The following AMH variants were observed in gnomAD, a reference collection of about 807,000 sequenced individuals.
AMH encodes anti-Muellerian hormone.
Under a neutral mutation model 33.3 loss-of-function variants are expected in AMH, and 39 were observed. That is an observed-to-expected ratio of 1.17 (90% CI 0.91 to 1.53). AMH has a LOEUF of 1.53. AMH is among the 40% of genes most tolerant of loss of function. AMH has a pLI of 0.00. For synonymous variants in AMH, 536 were observed against 403.0 expected, an observed-to-expected ratio of 1.33 and a Z score of -3.95; for missense variants, 1,019 against 799.8, an observed-to-expected ratio of 1.27 and a Z score of -3.30.
Position 2,251,262 on chromosome 19 carries a change from C to T in AMH, c.988C>T (p.Leu330=), listed in dbSNP as rs1599138753. The change falls in exon 5 of 5, where the codon CTG becomes TTG. Residue 330 remains leucine (L), a synonymous_variant. Transcript: ENST00000221496. ...CGGCTTCCCGCAGGGCCTAGTCAAC[C>T]TGTCGGACCCCGCGGCGCTGGAGCG... ...LAGFPQGLVN[L]SDPAALERLL... is the part of the protein sequence containing the mutation. The T allele has an allele frequency of 3.3e-6, 5 of 1,505,252 alleles. No individual in the cohort carries two copies. In the East Asian group the frequency reaches 1.3e-4, roughly 40 times the overall value. 93.2% of individuals were successfully genotyped at this position (1,505,252 alleles called of 1,614,324 possible).
In AMH at chr19:2,250,316, C is replaced by A. The variant is rs750657208; in HGVS notation, c.413-21C>A. On this transcript the variant is annotated intron_variant, in intron 1 of 4. Transcript: ENST00000221496. ...GTGTGGCCTTCAATGGCTCAGGCGT[C>A]CCCTGCTGTCCCGGCTGCAGTGACC... The A allele has an allele frequency of 3.2e-6, 5 of 1,586,946 alleles. No homozygotes were observed. In the East Asian group the frequency reaches 9.1e-5, roughly 29 times the overall value.
chr19:2,251,380 C>T lies in AMH; in HGVS notation c.1106C>T (p.Ala369Val), dbSNP rs1243011939. ...GCGCCCCTGCACGACCCCACGTCGG[C>T]GCCGTGGGCCACGGCCCTGGCGCGC... Reference protein sequence around the residue: ...DPAPLHDPTSAPWATALARRV... With the variant: ...DPAPLHDPTSVPWATALARRV... Residue 369 changes from alanine (A) to valine (V), a missense_variant, in exon 5 of 5, where the codon GCG becomes GTG. Transcript: ENST00000221496. The T allele has an allele frequency of 1.4e-6, 2 of 1,469,554 alleles. No homozygotes were observed. The highest frequency in any genetic ancestry group is 1.3e-5 in the South Asian group (1 of 77,320). The allele number at this position is 1,469,554 out of a possible 1,614,324, so 91.0% of individuals were successfully genotyped here.
chr19:2,251,940 G>A lies in AMH; in HGVS notation c.1666G>A (p.Glu556Lys), dbSNP rs763578155. The A allele has an allele frequency of 4.2e-5, 65 of 1,549,436 alleles. No homozygotes were observed. Among genetic ancestry groups the A allele is most frequent in the Middle Eastern group, 2.3e-4 (1 of 4,422 alleles). ...AHHVPNMVAT[E>K]CGCR ...CCACGTGCCCAACATGGTGGCCACC[G>A]AGTGTGGCTGCCGGTGACCCCTGCG... Residue 556 changes from glutamate to lysine, a missense_variant, in exon 5 of 5, where the codon GAG becomes AAG. Transcript: ENST00000221496.
chr19:2,250,529 G>A lies in AMH; in HGVS notation c.555+50G>A, dbSNP rs8112524. 892,703 of 1,540,218 alleles carry A rather than the reference G, an allele frequency of 0.58. 263,320 individuals carry two copies. The highest frequency in any genetic ancestry group is 0.62 in the Middle Eastern group (2,768 of 4,432). On this transcript the variant is annotated intron_variant, in intron 2 of 4. Transcript: ENST00000221496. ...TGCCCGGGCCGTGGCGGGGGGCATGGATTTGTTGCAGGGTCTGCAGTACTG... is the reference window on the plus strand; with the variant it reads ...TGCCCGGGCCGTGGCGGGGGGCATGAATTTGTTGCAGGGTCTGCAGTACTG...
At chr19:2,250,134 G>A in intron 1 of AMH, 1 of 842,778 alleles carries the variant, frequency 1.2e-6, no homozygotes, top group Non-Finnish European at 1.9e-6. Context: ...CAGGGCGGCA[G>A]CCCCACCCAC....
At position 2,251,824 on chromosome 19, in the gene AMH, G is replaced by T; in HGVS notation, c.1550G>T (p.Gly517Val). Residue 517 changes from glycine (G) to valine (V), a missense_variant, in exon 5 of 5, where the codon GGG becomes GTG. Physicochemically the swap from Gly to Val is moderately radical, Grantham distance 109. Transcript: ENST00000221496. The stretch of plus-strand genomic sequence containing the variant: ...CTGCTGCTGAAGATGCAGGTCCGTG[G>T]GGCCGCCCTGGCGCGCCCACCCTGC... ...VVLLLKMQVRGAALARPPCCV... is the reference protein window; with the variant it reads ...VVLLLKMQVRVAALARPPCCV... 1 of 1,602,178 alleles carries T rather than the reference G, an allele frequency of 6.2e-7. No individual in the cohort carries two copies.
rs754607106 is a variant in AMH, at chr19:2,249,369, C to T, written c.37C>T (p.Leu13=). 4 of 1,583,322 alleles carry T rather than the reference C, an allele frequency of 2.5e-6. No homozygotes were observed. In the East Asian group the frequency reaches 9.3e-5, roughly 37 times the overall value. The change falls in exon 1 of 5, where the codon CTG becomes TTG. Residue 13 remains leucine, a synonymous_variant. Coordinates refer to ENST00000221496, the MANE Select transcript of AMH (RefSeq NM_000479.5). ...DLPLTSLALV[L]SALGALLGTE... ...GCCTCTCACCAGCCTGGCCCTAGTG[C>T]TGTCTGCCCTGGGGGCTCTGCTGGG...
chr19:2,250,349 C>G lies in AMH; in HGVS notation c.425C>G (p.Pro142Arg), dbSNP rs769467742. The G allele has an allele frequency of 5.0e-6, 8 of 1,598,334 alleles. No homozygotes were observed. Among genetic ancestry groups the G allele is most frequent in the Non-Finnish European group, 6.8e-6 (8 of 1,175,598 alleles). ...GTCCCGGCTGCAGTGACCTGGGAGC[C>G]AACACCCTCGCTGAGGTTCCAGGAG... is the stretch of plus-strand genomic sequence containing the variant. ...VLHLEEVTWE[P>R]TPSLRFQEPP... Residue 142 changes from proline to arginine, a missense_variant, in exon 2 of 5, where the codon CCA (proline) becomes CGA (arginine). Physicochemically the swap from Pro to Arg is moderately radical, Grantham distance 103. Transcript: ENST00000221496.
chr19:2,251,955 T>C lies in AMH; in HGVS notation c.1681T>C (p.Ter561ArgextTer?), dbSNP rs1407146845. The C allele has an allele frequency of 2.6e-6, 4 of 1,543,584 alleles. No individual in the cohort carries two copies. In the African/African-American group the frequency reaches 4.1e-5, roughly 16 times the overall value. ...GGTGGCCACCGAGTGTGGCTGCCGG[T>C]GACCCCTGCGCCGCGCGGACTCCTG... is the stretch of plus-strand genomic sequence containing the variant. ...NMVATECGCR[*>R] Residue 561 changes from the stop codon to arginine, a stop_lost, in exon 5 of 5, where the codon TGA becomes CGA. Coordinates refer to ENST00000221496, the MANE Select transcript of AMH (RefSeq NM_000479.5).
Position 2,251,266 on chromosome 19 carries a change from C to G in AMH, c.992C>G (p.Ser331Trp), listed in dbSNP as rs770404493. The G allele has an allele frequency of 2.7e-6, 4 of 1,505,212 alleles. No individual in the cohort carries two copies. Among genetic ancestry groups the G allele is most frequent in the South Asian group, 2.5e-5 (2 of 80,750 alleles). The allele number at this position is 1,505,212 out of a possible 1,614,324, so 93.2% of individuals were successfully genotyped here. ...TTCCCGCAGGGCCTAGTCAACCTGT[C>G]GGACCCCGCGGCGCTGGAGCGCCTA... Reference protein sequence around the residue: ...AGFPQGLVNLSDPAALERLLD... With the variant: ...AGFPQGLVNLWDPAALERLLD... The change falls in exon 5 of 5, where the codon TCG (serine) becomes TGG (tryptophan). Residue 331 changes from serine (S) to tryptophan (W), a missense_variant. By Grantham distance (177) the Ser-to-Trp change is radical. Coordinates refer to ENST00000221496, the MANE Select transcript of AMH (RefSeq NM_000479.5).
intron 1 of AMH, chr19:2,250,098 C>T (rs950102135): frequency 1.1e-5 from 7 of 665,910 alleles, no homozygotes; most frequent in Non-Finnish European, 1.8e-5. Flanking sequence ...GAAGGGGCTT[C>T]ATCGGGCACC....
Position 2,251,083 on chromosome 19 carries a change from C to T in AMH, c.825-16C>T, listed in dbSNP as rs2145030180. On this transcript the variant is annotated splice_polypyrimidine_tract_variant and intron_variant, in intron 4 of 4. Coordinates refer to ENST00000221496, the MANE Select transcript of AMH (RefSeq NM_000479.5). The stretch of plus-strand genomic sequence containing the variant: ...GCCTCGTGGCCGCTCTCAACTCCTC[C>T]AATTGCGGGTTCCAGGCCATCCGCG... 1 of 1,539,194 alleles carries T rather than the reference C, an allele frequency of 6.5e-7. No homozygotes were observed. The highest frequency in any genetic ancestry group is 1.2e-5 in the South Asian group (1 of 83,924).
rs1213765681 is a variant in AMH at position 2,251,374 on chromosome 19, C to A, written c.1100C>A (p.Thr367Lys). 4.8e-6 allele frequency: 7 copies of A among 1,471,956 alleles called. No homozygotes were observed. The highest frequency in any genetic ancestry group is 5.9e-5 in the East Asian group (2 of 34,170). 91.2% of individuals were successfully genotyped at this position (1,471,956 alleles called of 1,614,324 possible). ...GATCCTGCGCCCCTGCACGACCCCA[C>A]GTCGGCGCCGTGGGCCACGGCCCTG... ...TGDPAPLHDP[T>K]SAPWATALAR... Residue 367 changes from threonine to lysine, a missense_variant, in exon 5 of 5, where the codon ACG becomes AAG. Thr to Lys is a moderately conservative substitution (Grantham distance 78). Transcript: ENST00000221496.
Position 2,251,957 on chromosome 19 carries a change from A to G in AMH, c.1683A>G (p.Ter561TrpextTer?). Reference protein sequence around the residue: ...NMVATECGCR* With the variant: ...NMVATECGCRW The stretch of plus-strand genomic sequence containing the variant: ...TGGCCACCGAGTGTGGCTGCCGGTG[A>G]CCCCTGCGCCGCGCGGACTCCTGCC... The change falls in exon 5 of 5, where the codon TGA becomes TGG. Residue 561 changes from the stop codon to tryptophan (W), a stop_lost. Coordinates refer to ENST00000221496, the MANE Select transcript of AMH (RefSeq NM_000479.5). 6.5e-7 allele frequency: 1 copy of G among 1,542,294 alleles called. No homozygotes were observed. The highest frequency in any genetic ancestry group is 1.2e-5 in the South Asian group (1 of 84,998).
rs780333296 is a variant in AMH at position 2,251,991 on chromosome 19, C to T, written c.*34C>T. On this transcript the variant is annotated 3_prime_UTR_variant, in exon 5 of 5. Coordinates refer to ENST00000221496, the MANE Select transcript of AMH (RefSeq NM_000479.5). ...CCGCGCGGACTCCTGCCCCGAGGGT[C>T]CGGACGCGCCCCAGCTCGCGCCCCT... 2 of 1,531,158 alleles carry T rather than the reference C, an allele frequency of 1.3e-6. No individual in the cohort carries two copies. Among genetic ancestry groups the T allele is most frequent in the Non-Finnish European group, 1.7e-6 (2 of 1,144,826 alleles). The allele number at this position is 1,531,158 out of a possible 1,614,324, so 94.8% of individuals were successfully genotyped here. A position where few individuals can be genotyped will look rare whatever the true frequency, so the allele number is the denominator to read the frequency against.
At chr19:2,250,045 C>T in intron 1 of AMH, 1 of 619,838 alleles carries the variant, frequency 1.6e-6, no homozygotes, top group South Asian at 2.0e-5. Context: ...CCCACAGCCC[C>T]AGCCTGTTCT....
At position 2,251,869 on chromosome 19, in the gene AMH, C is replaced by T. The variant is rs752285533; in HGVS notation, c.1595C>T (p.Ala532Val). The change falls in exon 5 of 5, where the codon GCG (alanine) becomes GTG (valine). Residue 532 changes from alanine (A) to valine (V), a missense_variant. Transcript: ENST00000221496. Reference sequence around the variant, plus strand: ...CCCTGCTGCGTGCCCACCGCCTACGCGGGCAAGCTGCTCATCAGCCTGTCG... The same window carrying T: ...CCCTGCTGCGTGCCCACCGCCTACGTGGGCAAGCTGCTCATCAGCCTGTCG... ...RPPCCVPTAY[A>V]GKLLISLSEE... 1.3e-6 allele frequency: 2 copies of T among 1,587,730 alleles called. No individual in the cohort carries two copies. The highest frequency in any genetic ancestry group is 1.3e-5 in the African/African-American group (1 of 74,416).
chr19:2,249,797 C>T (rs149600185), intron 1 of AMH, 53 bp downstream of exon 1: 1,577 of 1,448,596 alleles, frequency 1.1e-3, no homozygotes, highest in Non-Finnish European at 1.3e-3. Context: ...TCAGGTGGGC[C>T]GGGTCCTCCT....
Position 2,251,349 on chromosome 19 carries a change from G to C in AMH, c.1075G>C (p.Asp359His), listed in dbSNP as rs574400311. ...LLRPTAATTG[D>H]PAPLHDPTSA... ...GAGGCCCACTGCGGCCACCACCGGG[G>C]ATCCTGCGCCCCTGCACGACCCCAC... Residue 359 changes from aspartate to histidine, a missense_variant, in exon 5 of 5, where the codon GAT (aspartate) becomes CAT (histidine). Asp to His is a moderately conservative substitution (Grantham distance 81). Coordinates refer to ENST00000221496, the MANE Select transcript of AMH (RefSeq NM_000479.5). 3 of 1,492,132 alleles carry C rather than the reference G, an allele frequency of 2.0e-6. No homozygotes were observed. The highest frequency in any genetic ancestry group is 1.5e-5 in the African/African-American group (1 of 68,474). The allele number at this position is 1,492,132 out of a possible 1,614,324, so 92.4% of individuals were successfully genotyped here.
Sources: allele counts gnomAD v4.1 joint callset, GRCh38; gene constraint gnomAD v4.1.1; transcripts MANE v1.5; gene names NCBI Gene and HGNC (gene_info 2026-07-23, HGNC 2026-07-21).